MPP4: variants seen among roughly 807,000 people sequenced by gnomAD.
MPP4 encodes MAGUK p55 scaffold protein 4, also known as MAGUK p55 subfamily member 4.
Under a neutral mutation model 98.3 loss-of-function variants are expected in MPP4, and 91 were observed. That is an observed-to-expected ratio of 0.93 (90% CI 0.78 to 1.10). MPP4 has a LOEUF of 1.10. MPP4 is among the 50% of genes least tolerant of loss of function. The pLI is 0.00. For missense variants in MPP4, 744 were observed against 792.9 expected (o/e 0.94, Z 0.74); for synonymous variants, 261 against 271.8 (o/e 0.96, Z 0.39).
At chr2:201,656,542 T>C (rs1687853497) in intron 16 of MPP4, among the ~76,000 whole-genome samples, 174 bp from the exon 17 acceptor site, 1 of 152,222 alleles carries the variant, frequency 6.6e-6, no homozygotes, top group African/African-American at 2.4e-5. Flanking sequence ...AAATGCCCCC[T>C]GTGCTAGCCC....
chr2:201,687,912 T>A (rs929553105), intron 4 of MPP4, among the ~76,000 whole-genome samples: 3 of 152,216 alleles, frequency 2.0e-5, no homozygotes, highest in African/African-American at 7.2e-5. Flanking sequence ...GGAAAAAAAT[T>A]CTGCTCTCTC....
rs1260559177 is a variant in MPP4 at position 201,656,279 on chromosome 2, T to C, written c.1219A>G (p.Ser407Gly). 5 of 1,589,574 alleles carry C rather than the reference T, an allele frequency of 3.1e-6. No individual in the cohort carries two copies. In the Admixed American group the frequency reaches 7.1e-5, roughly 23 times the overall value. ...TCCTCGTAAGGGGCACCCACTGCAC[T>C]GTAGCAGCTGCCGGTGCAGCACACA... Reference protein sequence around the residue: ...ASVCCTGSCYSAVGAPYEEVV... With the variant: ...ASVCCTGSCYGAVGAPYEEVV... Residue 407 changes from serine to glycine, a missense_variant, in exon 17 of 22, where the codon AGT becomes GGT. Coordinates refer to ENST00000409474, the MANE Select transcript of MPP4 (RefSeq NM_033066.3).
chr2:201,650,206 A>G, intron 18 of MPP4, 41 bp from the exon 19 acceptor site: 1 of 1,532,408 alleles, frequency 6.5e-7, no homozygotes, highest in Non-Finnish European at 8.8e-7. Flanking sequence ...TGTCTTCAGA[A>G]TTCTTTGATT....
rs1687659538 is a variant in MPP4, at chr2:201,649,573, C to T, written c.1584+3G>A. 4 of 1,589,994 alleles carry T rather than the reference C, an allele frequency of 2.5e-6. No individual in the cohort carries two copies. The East Asian group carries it at 9.0e-5, about 36-fold the overall frequency. On this transcript the variant is annotated splice_donor_region_variant and intron_variant, in intron 20 of 21. Transcript: ENST00000409474. ...GGACATAAATATTCCACCATGGACC[C>T]ACCTGAGGCTCTAGGTCCATGACAC...
intron 12 of MPP4, among the ~76,000 whole-genome samples, chr2:201,667,789 G>C (rs1688224563): frequency 1.3e-5 from 2 of 152,022 alleles, no homozygotes; most frequent in Admixed American, 1.3e-4. Flanking sequence ...ACACTATAAG[G>C]TGTTATCGCC....
At chr2:201,661,521 A>G (rs939156689) in intron 14 of MPP4, 4 of 456,340 alleles carry the variant, frequency 8.8e-6, no homozygotes, top group East Asian at 1.4e-4. Context: ...AGCTGAGAGG[A>G]GTCCACAAGG....
Position 201,692,933 on chromosome 2 carries a change from G to A in MPP4, c.176C>T (p.Ser59Leu), listed in dbSNP as rs779335492. The A allele has an allele frequency of 3.0e-5, 48 of 1,610,474 alleles. No homozygotes were observed. The highest frequency in any genetic ancestry group is 3.7e-5 in the Non-Finnish European group (44 of 1,178,516). The change falls in exon 3 of 22, where the codon TCG becomes TTG. Residue 59 changes from serine (S) to leucine (L), a missense_variant. Transcript: ENST00000409474. ...CTTTAGCAGAGCCTGAAGCCACGGC[G>A]AGTGGAGGAGATCGTACAAGAGACA... The part of the protein sequence containing the change: ...GVCLLYDLLH[S>L]PWLQALLKIY...
rs929926346 is a variant in MPP4, at chr2:201,657,590, G to GTTT, written c.1129+884_1129+886dup. On this transcript the variant is annotated intron_variant, in intron 16 of 21. Transcript: ENST00000409474. Reference sequence around the variant, plus strand: ...TCTAACAGTGAGAACCCTGGCCCTTGTTTTTTTTTTGTTTTTTTGTTTTTT... The same window carrying GTTT: ...TCTAACAGTGAGAACCCTGGCCCTTGTTTTTTTTTTTTTGTTTTTTTGTTTTTT... Among the ~76,000 whole-genome samples the GTTT allele has an allele frequency of 6.4e-4, 58 of 91,090 alleles. 5 individuals are homozygous for GTTT. The highest frequency in any genetic ancestry group is 3.0e-3 in the South Asian group (8 of 2,648). The allele number at this position is 91,090 out of a possible 152,430, so 59.8% of individuals were successfully genotyped here.
At chr2:201,693,430 AAG>A (rs1689095466) in intron 2 of MPP4, among the ~76,000 whole-genome samples, 2 of 152,288 alleles carry the variant, frequency 1.3e-5, no homozygotes, top group East Asian at 3.9e-4. Context: ...ACTCAAACAT[AAG>A]AGTCATTTCA....
chr2:201,681,102 A>G (rs1467574288), intron 9 of MPP4, 68 bp from the exon 10 acceptor site: 1 of 1,477,726 alleles, frequency 6.8e-7, no homozygotes, highest in Non-Finnish European at 9.2e-7. Context: ...ACCCTTGCCC[A>G]TGGGCCATCA....
At chr2:201,671,530 G>A (rs376485197) in intron 11 of MPP4, among the ~76,000 whole-genome samples, 1 of 152,094 alleles carries the variant, frequency 6.6e-6, no homozygotes, top group Non-Finnish European at 1.5e-5. Context: ...GACACACATA[G>A]CCTCAAAATA....
Position 201,685,744 on chromosome 2 carries a change from C to T in MPP4, c.492+175G>A, listed in dbSNP as rs1184668424. On this transcript the variant is annotated intron_variant, in intron 6 of 21. Transcript: ENST00000409474. Reference sequence around the variant, plus strand: ...TGAAATCTTTCCTTAGAGAAAACACCGTGACATGTAATATGTTTGAAACCA... The same window carrying T: ...TGAAATCTTTCCTTAGAGAAAACACTGTGACATGTAATATGTTTGAAACCA... 2.6e-5 allele frequency among the ~76,000 whole-genome samples: 4 copies of T among 152,066 alleles called. No homozygotes were observed. In the East Asian group the frequency reaches 7.7e-4, roughly 29 times the overall value.
intron 15 of MPP4, among the ~76,000 whole-genome samples, chr2:201,658,954 T>C (rs7593403): frequency 0.55 from 83,384 of 151,690 alleles, 22,930 homozygotes; most frequent in Non-Finnish European, 0.58. Context: ...TGGAGTGCAA[T>C]GGCACGATCT....
intron 21 of MPP4, among the ~76,000 whole-genome samples, chr2:201,647,123 C>T (rs552976215): frequency 8.8e-5 from 10 of 114,244 alleles, no homozygotes; most frequent in South Asian, 2.7e-4. Flanking sequence ...TGTACGCAAC[C>T]GGAAAAAAAA....
chr2:201,683,488 C>T (rs967984975), intron 7 of MPP4, among the ~76,000 whole-genome samples: 1 of 152,092 alleles, frequency 6.6e-6, no homozygotes, highest in Non-Finnish European at 1.5e-5. Context: ...GCGGCTAATG[C>T]CTATAATCCT....
chr2:201,668,231 C>A (rs945134483), intron 12 of MPP4, among the ~76,000 whole-genome samples: 1 of 152,114 alleles, frequency 6.6e-6, no homozygotes, highest in African/African-American at 2.4e-5. Flanking sequence ...CTCCCCAAAT[C>A]AATGATTCCA....
In MPP4 at chr2:201,685,055, C is replaced by A; in HGVS notation, c.574+9G>T. 6.2e-7 allele frequency: 1 copy of A among 1,609,966 alleles called. No individual in the cohort carries two copies. Among genetic ancestry groups the A allele is most frequent in the South Asian group, 1.1e-5 (1 of 89,780 alleles). On this transcript the variant is annotated intron_variant, in intron 7 of 21. Coordinates refer to ENST00000409474, the MANE Select transcript of MPP4 (RefSeq NM_033066.3). The stretch of plus-strand genomic sequence containing the variant: ...CTGGTAACTCTCAATCCCAGCTGCT[C>A]CAGCTTACCACTTCTCTCCGCCAGC...
chr2:201,654,079 C>T (rs956840194), intron 18 of MPP4, among the ~76,000 whole-genome samples: 9 of 151,698 alleles, frequency 5.9e-5, no homozygotes, highest in Non-Finnish European at 1.0e-4. Context: ...CAGGTTTAAG[C>T]GATTATCTGT....
In MPP4 at chr2:201,687,283, G is replaced by A. The variant is rs1457774512; in HGVS notation, c.360+8C>T. 3.2e-6 allele frequency: 5 copies of A among 1,567,126 alleles called. No homozygotes were observed. The highest frequency in any genetic ancestry group is 4.3e-6 in the Non-Finnish European group (5 of 1,154,036). ...GGGGACATCTTTTCTATTTTAGCAG[G>A]CACTTGCCTTGAAGTGTGGAGCCTG... On this transcript the variant is annotated splice_region_variant and intron_variant, in intron 5 of 21. Coordinates refer to ENST00000409474, the MANE Select transcript of MPP4 (RefSeq NM_033066.3).
Sources: allele counts gnomAD v4.1 joint callset (sites outside exome capture counted in the v4.1 genomes callset), GRCh38; gene constraint gnomAD v4.1.1; transcripts MANE v1.5; gene names NCBI Gene and HGNC (gene_info 2026-07-23, HGNC 2026-07-21).